ADCY7: variants seen among roughly 807,000 people sequenced by gnomAD.
The protein encoded by ADCY7 is adenylate cyclase 7.
Under a neutral mutation model 120.6 loss-of-function variants are expected in ADCY7, and 72 were observed. The observed-to-expected ratio is 0.60, with a 90% CI of 0.49 to 0.73. The LOEUF (loss-of-function observed/expected upper bound fraction) is 0.73, where lower values mean the gene tolerates loss of function less well. Among genes scored for constraint, ADCY7 ranks in the 30% least tolerant of loss-of-function variants. The pLI is 0.00. For synonymous variants in ADCY7, 661 were observed against 628.0 expected (o/e 1.05, Z -0.78); for missense variants, 1,227 against 1,486.0 (o/e 0.83, Z 2.87).
Position 50,316,406 on chromosome 16 carries a change from TCA to T in ADCY7, c.*906_*907del, listed in dbSNP as rs1329552310. 2 of 152,420 alleles carry T rather than the reference TCA, an allele frequency of 1.3e-5. No individual in the cohort carries two copies. Among genetic ancestry groups the T allele is most frequent in the Non-Finnish European group, 2.9e-5 (2 of 68,056 alleles). 9.4% of individuals were successfully genotyped at this position (152,420 alleles called of 1,614,324 possible). On this transcript the variant is annotated 3_prime_UTR_variant, in exon 26 of 26. Transcript: ENST00000673801. ...GGCCTTTCACCTCTTCCTTGATTAC[TCA>T]CACATCTTTGCGTTCTCCCCTGCCG...
chr16:50,297,391 G>A lies in ADCY7; in HGVS notation c.949-1513G>A, dbSNP rs2035425009. ...TGTGGCCTCTCCTACATCCCCGAGAGCTGGGCTGGGTCCATGGGCAGTCCT... is the reference window on the plus strand; with the variant it reads ...TGTGGCCTCTCCTACATCCCCGAGAACTGGGCTGGGTCCATGGGCAGTCCT... On this transcript the variant is annotated intron_variant, in intron 7 of 25. Transcript: ENST00000673801. This position sits in a 1 kb window ranked among gnomAD's most constrained non-coding sequence, Gnocchi z 4.4. Among the ~76,000 whole-genome samples the A allele has an allele frequency of 6.6e-6, 1 of 152,216 alleles. No individual in the cohort carries two copies. Among genetic ancestry groups the A allele is most frequent in the African/African-American group, 2.4e-5 (1 of 41,462 alleles).
intron 10 of ADCY7, 41 bp from the exon 11 acceptor site, chr16:50,304,319 G>A (rs2151039407): frequency 7.1e-7 from 1 of 1,399,026 alleles, no homozygotes; most frequent in Non-Finnish European, 9.3e-7. Context: ...GGGCCGAGAG[G>A]GGAGGAGGTG....
chr16:50,287,081 T>C (rs919517664), intron 1 of ADCY7, among the ~76,000 whole-genome samples: 1 of 151,664 alleles, frequency 6.6e-6, no homozygotes, highest in Non-Finnish European at 1.5e-5. Flanking sequence ...AATGGCACGA[T>C]CTCAGCTTAC....
At chr16:50,281,547 C>T (rs1209769771) in intron 1 of ADCY7, among the ~76,000 whole-genome samples, 5 of 152,354 alleles carry the variant, frequency 3.3e-5, no homozygotes, top group East Asian at 3.9e-4. Context: ...CTACCCTGCT[C>T]GGCCATTCAC....
intron 1 of ADCY7, among the ~76,000 whole-genome samples, chr16:50,251,894 A>G (rs1422309415): frequency 6.6e-6 from 1 of 152,200 alleles, no homozygotes; most frequent in Non-Finnish European, 1.5e-5. Context: ...ATAGCATTGC[A>G]CTGCCTTGAC....
intron 2 of ADCY7, 46 bp from the exon 3 acceptor site, chr16:50,290,411 T>C (rs1490276236): frequency 6.2e-7 from 1 of 1,608,556 alleles, no homozygotes; most frequent in South Asian, 1.1e-5. Context: ...GAGGTGGCTC[T>C]GCACTGGGGA....
chr16:50,254,025 C>T (rs1252095574), intron 1 of ADCY7, among the ~76,000 whole-genome samples: 1 of 152,200 alleles, frequency 6.6e-6, no homozygotes, highest in Non-Finnish European at 1.5e-5. Context: ...GAGGCTGGGT[C>T]TGTGTTTCTG....
intron 24 of ADCY7, 139 bp from the exon 25 acceptor site, chr16:50,314,875 T>G: frequency 8.2e-7 from 1 of 1,226,150 alleles, no homozygotes; most frequent in East Asian, 2.4e-5. Flanking sequence ...ACGCAGTGAC[T>G]CTGGGAAGCA....
chr16:50,300,990 G>A, intron 9 of ADCY7, 92 bp from the exon 10 acceptor site: 1 of 1,546,574 alleles, frequency 6.5e-7, no homozygotes, highest in Non-Finnish European at 8.7e-7. Flanking sequence ...AGAAAAGCTG[G>A]CCTGGGGCCC....
At chr16:50,288,455 T>C (rs1468616999) in intron 2 of ADCY7, 105 bp downstream of exon 2, 5 of 1,226,516 alleles carry the variant, frequency 4.1e-6, no homozygotes, top group Non-Finnish European at 2.2e-6. Flanking sequence ...TGTAAAATGC[T>C]ATGCTTTTTT....
intron 1 of ADCY7, among the ~76,000 whole-genome samples, chr16:50,273,801 C>G (rs998313735): frequency 1.3e-5 from 2 of 152,182 alleles, no homozygotes; most frequent in Admixed American, 1.3e-4. Flanking sequence ...GCTGTACCCC[C>G]CAGTCTGTGG....
At chr16:50,290,308 G>A in intron 2 of ADCY7, 149 bp from the exon 3 acceptor site, 1 of 809,256 alleles carries the variant, frequency 1.2e-6, no homozygotes, top group Admixed American at 2.6e-5. Flanking sequence ...AAGGCCAGAA[G>A]GTGAGTGGGA....
In ADCY7 at chr16:50,310,877, C is replaced by A; in HGVS notation, c.2351C>A (p.Thr784Asn). The part of the protein sequence containing the change: ...LGNLTKPNGT[T>N]SGTPSCSWKD... ...AACCTCACCAAGCCCAACGGCACCA[C>A]CAGGTGGGGTCCCGCCCGTCCCCGT... The change falls in exon 19 of 26, where the codon ACC becomes AAC. Residue 784 changes from threonine (T) to asparagine (N), a missense_variant. Physicochemically the swap from Thr to Asn is moderately conservative, Grantham distance 65. Around this residue, in one of 5 missense-constraint regions of ADCY7, gnomAD observed 267 missense variants for 270.0 expected, o/e 0.99. Transcript: ENST00000673801. The A allele has an allele frequency of 6.2e-7, 1 of 1,601,116 alleles. No homozygotes were observed. The highest frequency in any genetic ancestry group is 1.1e-5 in the South Asian group (1 of 89,566).
chr16:50,302,832 C>A (rs2035819465), intron 10 of ADCY7, among the ~76,000 whole-genome samples: 1 of 152,278 alleles, frequency 6.6e-6, no homozygotes, highest in East Asian at 1.9e-4. Context: ...TGGGGACATC[C>A]CTCCTGTGTG....
upstream of ADCY7, among the ~76,000 whole-genome samples, chr16:50,263,494 G>T (rs984848308): frequency 6.6e-6 from 1 of 152,138 alleles, no homozygotes; most frequent in South Asian, 2.1e-4. Context: ...AAACGGCAGG[G>T]TTTACTGTGC....
At chr16:50,308,899 G>C (rs1230473592) in intron 17 of ADCY7, 107 bp downstream of exon 17, 19 of 1,380,452 alleles carry the variant, frequency 1.4e-5, no homozygotes, top group Non-Finnish European at 1.4e-5. Context: ...CCTCTCCCCC[G>C]AGCTCAGCAG....
At chr16:50,251,164 C>G (rs2150777649) in intron 1 of ADCY7, among the ~76,000 whole-genome samples, 1 of 151,546 alleles carries the variant, frequency 6.6e-6, no homozygotes, top group East Asian at 1.9e-4. Flanking sequence ...CACTTGAGCC[C>G]AGGAATTTGA....
At chr16:50,280,254 T>C (rs1007664128) in intron 1 of ADCY7, among the ~76,000 whole-genome samples, 4 of 152,078 alleles carry the variant, frequency 2.6e-5, no homozygotes, top group African/African-American at 9.7e-5. Context: ...CTGATGGTTG[T>C]TTTTTATTTC....
upstream of ADCY7, among the ~76,000 whole-genome samples, chr16:50,245,848 G>A (rs1337290796): frequency 2.0e-5 from 3 of 152,166 alleles, no homozygotes; most frequent in South Asian, 2.1e-4. Flanking sequence ...CGTGCGCGCG[G>A]TACCTGGAGA....
Sources: allele counts gnomAD v4.1 joint callset (sites outside exome capture counted in the v4.1 genomes callset), GRCh38; gene constraint gnomAD v4.1.1; regional missense constraint gnomAD v4.1.1; non-coding constraint Gnocchi (gnomAD v3.1); transcripts MANE v1.5; gene names NCBI Gene and HGNC (gene_info 2026-07-23, HGNC 2026-07-21).